The following DIP2C variants were observed in gnomAD, a reference collection of about 807,000 sequenced individuals.
DIP2C encodes the protein disco-interacting protein 2 homolog C.
A neutral mutation model predicts 192.4 loss-of-function variants in DIP2C; 33 were observed. The observed-to-expected ratio is 0.17, with a 90% CI of 0.13 to 0.23. DIP2C has a LOEUF of 0.23. Among genes scored for constraint, DIP2C ranks in the 10% least tolerant of loss-of-function variants. The pLI is 1.00. For missense variants in DIP2C, 1,537 were observed against 2,110.1 expected, an observed-to-expected ratio of 0.73 and a Z score of 5.32; for synonymous variants, 979 against 864.1, an observed-to-expected ratio of 1.13 and a Z score of -2.33.
chr10:532,255 G>A (rs1013838590), intron 1 of DIP2C, among the ~76,000 whole-genome samples: 7 of 152,064 alleles, frequency 4.6e-5, no homozygotes, highest in Middle Eastern at 3.2e-3. Flanking sequence ...CTCATGTCCC[G>A]GAAAGCCCTG....
chr10:407,627 C>T (rs4881254), intron 9 of DIP2C, among the ~76,000 whole-genome samples: 86,900 of 151,962 alleles, frequency 0.57, 24,867 homozygotes, highest in East Asian at 0.7. Flanking sequence ...CCGTGCTTCT[C>T]GGTGTAAAGC....
intron 9 of DIP2C, among the ~76,000 whole-genome samples, chr10:405,442 C>G (rs1964733694): frequency 6.6e-6 from 1 of 152,162 alleles, no homozygotes; most frequent in Non-Finnish European, 1.5e-5. Flanking sequence ...CACAACAATA[C>G]AAGTAATGGA....
rs116244911 is a variant in DIP2C at position 316,726 on chromosome 10, G to A, written c.3925-6634C>T. ...GAGCCCCTGCCTTTTGCACACTAAAGGTTCAGAGTGCCTCAGAGAAAATGC... is the reference window on the plus strand; with the variant it reads ...GAGCCCCTGCCTTTTGCACACTAAAAGTTCAGAGTGCCTCAGAGAAAATGC... On this transcript the variant is annotated intron_variant, in intron 31 of 36. Transcript: ENST00000280886. Among the ~76,000 whole-genome samples the A allele has an allele frequency of 1.5e-3, 221 of 152,286 alleles. 2 individuals carry two copies. The highest frequency in any genetic ancestry group is 5.0e-3 in the African/African-American group (208 of 41,570).
intron 1 of DIP2C, among the ~76,000 whole-genome samples, chr10:540,786 T>TG (rs1317582878): frequency 6.6e-6 from 1 of 152,258 alleles, no homozygotes; most frequent in African/African-American, 2.4e-5. Context: ...AAGGTGCATT[T>TG]GCTTTTGGAA....
At chr10:669,017 C>T (rs1439338848) in intron 1 of DIP2C, 1 of 152,076 alleles carries the variant, frequency 6.6e-6, no homozygotes, top group East Asian at 1.9e-4. Flanking sequence ...AGCTCTGCTT[C>T]AATTACTTTA....
intron 1 of DIP2C, among the ~76,000 whole-genome samples, chr10:540,841 AAC>A (rs1486679084): frequency 4.6e-5 from 7 of 152,240 alleles, no homozygotes; most frequent in East Asian, 1.9e-4. Context: ...TCATCTCTGA[AAC>A]ACAGGTAAAG....
intron 1 of DIP2C, among the ~76,000 whole-genome samples, chr10:610,113 G>A (rs111633167): frequency 3.5e-4 from 53 of 152,314 alleles, no homozygotes; most frequent in African/African-American, 1.2e-3. Flanking sequence ...AATGTGGCCT[G>A]AGCATACACA....
chr10:403,812 T>C (rs1353830009), intron 9 of DIP2C, among the ~76,000 whole-genome samples: 1 of 141,378 alleles, frequency 7.1e-6, no homozygotes, highest in Non-Finnish European at 1.5e-5. Flanking sequence ...ATGGACAAGT[T>C]TGGTACGTTT....
intron 1 of DIP2C, among the ~76,000 whole-genome samples, chr10:619,438 C>T (rs1373168548): frequency 6.7e-6 from 1 of 150,160 alleles, no homozygotes; most frequent in Non-Finnish European, 1.5e-5. Context: ...TGGCACCCAC[C>T]ATCTTCAGAG....
chr10:371,614 C>G (rs1317530660), intron 17 of DIP2C, among the ~76,000 whole-genome samples: 2 of 132,210 alleles, frequency 1.5e-5, no homozygotes, highest in African/African-American at 6.2e-5. Context: ...GGGTGAGGCC[C>G]AGGGCGGATC....
chr10:437,045 C>T (rs1160121479), intron 4 of DIP2C, among the ~76,000 whole-genome samples: 10 of 130,944 alleles, frequency 7.6e-5, no homozygotes, highest in East Asian at 2.6e-4. Flanking sequence ...GCCTCCTGGA[C>T]ATGGTAGGGT....
At chr10:584,465 G>C (rs183092044) in intron 1 of DIP2C, among the ~76,000 whole-genome samples, 4 of 124,898 alleles carry the variant, frequency 3.2e-5, no homozygotes, top group African/African-American at 1.2e-4. Flanking sequence ...TCTCAATCTC[G>C]GGGCCCGCAA....
chr10:371,539 G>A (rs144359250), intron 17 of DIP2C, among the ~76,000 whole-genome samples: 32 of 152,354 alleles, frequency 2.1e-4, no homozygotes, highest in East Asian at 1.2e-3. Context: ...AGAAGCTCAC[G>A]TGACGATGGA....
intron 8 of DIP2C, among the ~76,000 whole-genome samples, chr10:410,418 C>T (rs992267888): frequency 1.3e-5 from 2 of 152,226 alleles, no homozygotes; most frequent in African/African-American, 4.8e-5. Flanking sequence ...TCATCCTCAA[C>T]ACCATAGGCA....
At chr10:384,231 G>A (rs1962650865) in intron 15 of DIP2C, 85 bp from the exon 16 acceptor site, 3 of 1,536,758 alleles carry the variant, frequency 2.0e-6, no homozygotes, top group Non-Finnish European at 2.6e-6. Flanking sequence ...TGAGTAGTGG[G>A]GAAGGGTGAA....
intron 1 of DIP2C, among the ~76,000 whole-genome samples, chr10:576,587 A>G (rs978301086): frequency 6.6e-6 from 1 of 152,220 alleles, no homozygotes; most frequent in Non-Finnish European, 1.5e-5. Context: ...ACCAGGTGCT[A>G]TCATTGAGAC....
chr10:516,156 G>A (rs1004342009), intron 1 of DIP2C, among the ~76,000 whole-genome samples: 4 of 148,022 alleles, frequency 2.7e-5, no homozygotes, highest in Admixed American at 6.8e-5. Context: ...ATGGGATGAG[G>A]GTGGGCTGAA....
chr10:576,769 T>C (rs1850187784), intron 1 of DIP2C, among the ~76,000 whole-genome samples: 2 of 152,080 alleles, frequency 1.3e-5, no homozygotes, highest in African/African-American at 4.8e-5. Flanking sequence ...TAGCCAGGCA[T>C]GGTGGCACGC....
chr10:619,368 G>GT (rs1853686739), intron 1 of DIP2C, among the ~76,000 whole-genome samples: 1 of 152,208 alleles, frequency 6.6e-6, no homozygotes, highest in Non-Finnish European at 1.5e-5. Flanking sequence ...TGGCTCCGGG[G>GT]AAGCGACCGT....
Sources: gnomAD v4.1 joint callset for allele counts (sites outside exome capture counted in the v4.1 genomes callset) on GRCh38, gnomAD v4.1.1 for gene constraint, MANE v1.5 for transcripts, NCBI Gene and HGNC (gene_info 2026-07-23, HGNC 2026-07-21) for gene names.